The following GSE1 variants were observed in gnomAD, a reference collection of about 807,000 sequenced individuals.
The protein encoded by GSE1 is genetic suppressor element 1.
In GSE1, 32 loss-of-function variants were observed where a neutral mutation model predicts 112.6. That is an observed-to-expected ratio of 0.28 (90% CI 0.21 to 0.38). The LOEUF (loss-of-function observed/expected upper bound fraction) is 0.38, where lower values mean the gene tolerates loss of function less well. Among genes scored for constraint, GSE1 ranks in the 10% least tolerant of loss-of-function variants. GSE1 has a pLI of 1.00. For missense variants in GSE1, 2,348 were observed against 1,699.2 expected, an observed-to-expected ratio of 1.38 and a Z score of -6.71; for synonymous variants, 1,115 against 735.6, an observed-to-expected ratio of 1.52 and a Z score of -8.35.
At chr16:85,648,856 A>T in intron 3 of GSE1, 105 bp downstream of exon 3, 1 of 605,758 alleles carries the variant, frequency 1.7e-6, no homozygotes, top group Non-Finnish European at 2.7e-6. Flanking sequence ...TACATTCCAG[A>T]CACCCCCTCC....
intron 1 of GSE1, among the ~76,000 whole-genome samples, chr16:85,184,412 G>A (rs761014222): frequency 6.6e-6 from 1 of 152,246 alleles, no homozygotes; most frequent in East Asian, 1.9e-4. Context: ...CCCTCAGGAT[G>A]TGGAGAGAGA....
At chr16:85,447,213 A>G (rs2049541405) in intron 2 of GSE1, among the ~76,000 whole-genome samples, 2 of 152,124 alleles carry the variant, frequency 1.3e-5, no homozygotes, top group Non-Finnish European at 2.9e-5. Flanking sequence ...AGGAGTGTGC[A>G]GCACCCCCAG....
At chr16:85,561,690 G>A (rs1177434013) in intron 1 of GSE1, among the ~76,000 whole-genome samples, 2 of 152,204 alleles carry the variant, frequency 1.3e-5, no homozygotes, top group East Asian at 3.9e-4. Flanking sequence ...AGCTGCCCCC[G>A]GAGGCCAGAG....
intron 2 of GSE1, among the ~76,000 whole-genome samples, chr16:85,637,325 C>T (rs756765028): frequency 2.0e-5 from 3 of 152,234 alleles, no homozygotes; most frequent in Non-Finnish European, 2.9e-5. Context: ...TGCGGCGTGA[C>T]AGCCCTTCCT....
At chr16:85,217,478 G>A (rs540283981) in intron 1 of GSE1, among the ~76,000 whole-genome samples, 13 of 152,310 alleles carry the variant, frequency 8.5e-5, no homozygotes, top group African/African-American at 1.9e-4. Flanking sequence ...CTGAGCCAGC[G>A]GCTCCTCCAT....
chr16:85,272,085 C>T (rs1364745997), intron 1 of GSE1, among the ~76,000 whole-genome samples: 2 of 152,228 alleles, frequency 1.3e-5, no homozygotes, highest in Admixed American at 6.5e-5. Context: ...GCCCCAGACC[C>T]GTATCCTGCG....
intron 1 of GSE1, among the ~76,000 whole-genome samples, chr16:85,192,022 T>C (rs2074833874): frequency 6.6e-6 from 1 of 152,262 alleles, no homozygotes; most frequent in Non-Finnish European, 1.5e-5. Flanking sequence ...GTTGAAAATG[T>C]AGACAGCAGA....
intron 1 of GSE1, among the ~76,000 whole-genome samples, chr16:85,292,608 G>T (rs2930227): frequency 0.85 from 128,837 of 152,068 alleles, 54,819 homozygotes; most frequent in African/African-American, 0.93. Flanking sequence ...ATTACAGGCC[G>T]GAGCCACTGT....
chr16:85,278,019 A>G (rs1909541117), intron 1 of GSE1, among the ~76,000 whole-genome samples: 1 of 152,250 alleles, frequency 6.6e-6, no homozygotes, highest in African/African-American at 2.4e-5. Flanking sequence ...AGCAGTCACA[A>G]TATTGGCGGC....
intron 1 of GSE1, among the ~76,000 whole-genome samples, chr16:85,247,404 G>C (rs1905975349): frequency 6.6e-6 from 1 of 152,224 alleles, no homozygotes; most frequent in South Asian, 2.1e-4. Flanking sequence ...TCCCTGAGCA[G>C]AGGAAGGTGG....
At chr16:85,235,749 C>T (rs1425517584) in intron 1 of GSE1, among the ~76,000 whole-genome samples, 2 of 150,972 alleles carry the variant, frequency 1.3e-5, no homozygotes, top group African/African-American at 4.9e-5. Context: ...GTGGGGGGCC[C>T]GCCCGCCCCA....
chr16:85,269,510 C>G lies in GSE1; in HGVS notation c.2284-87953C>G, dbSNP rs981310744. Among the ~76,000 whole-genome samples the G allele has an allele frequency of 1.7e-4, 25 of 149,526 alleles. 1 individual carries two copies. Among genetic ancestry groups the G allele is most frequent in the African/African-American group, 6.0e-4 (25 of 41,400 alleles). On this transcript the variant is annotated intron_variant, in intron 1 of 2. Transcript: ENST00000637419. ...TGTTCTACGGAGGTAACAAAACACT[C>G]TTTCCTGTTAGGGAAATTCTTACAA...
chr16:85,517,299 C>G (rs2051982389), intron 2 of GSE1, among the ~76,000 whole-genome samples: 1 of 152,186 alleles, frequency 6.6e-6, no homozygotes, highest in Admixed American at 6.5e-5. Flanking sequence ...TAGGTTCTAG[C>G]ACAGCCATGT....
intron 2 of GSE1, among the ~76,000 whole-genome samples, chr16:85,452,271 C>T (rs538054505): frequency 1.8e-3 from 268 of 152,320 alleles, no homozygotes; most frequent in African/African-American, 6.0e-3. Flanking sequence ...GCCCTGCCAG[C>T]GCGGTTATTT....
chr16:85,245,878 CGT>C (rs372818970), intron 1 of GSE1, among the ~76,000 whole-genome samples: 48 of 150,734 alleles, frequency 3.2e-4, no homozygotes, highest in Middle Eastern at 3.4e-3. Context: ...CCTGCGTGTG[CGT>C]GTGTGTGTGT....
rs763547950 is a variant in GSE1 at position 85,665,995 on chromosome 16, C to G, written c.2778C>G (p.Ala926=). Residue 926 remains alanine, a synonymous_variant, in exon 13 of 16, where the codon GCC becomes GCG. Coordinates refer to ENST00000253458, the MANE Select transcript of GSE1 (RefSeq NM_014615.5). ...TAAAAGAACCAGCCACGCAGCAAGC[C>G]TCTCTGGATGTGGAGAAGCCGGTTG... is the stretch of plus-strand genomic sequence containing the variant. The part of the protein sequence containing the change: ...VSLSEPATQQ[A]SLDVEKPVGV... The G allele has an allele frequency of 1.2e-6, 2 of 1,613,378 alleles. No individual in the cohort carries two copies. The highest frequency in any genetic ancestry group is 1.7e-6 in the Non-Finnish European group (2 of 1,179,938).
At chr16:85,639,714 G>T (rs1208987795) in intron 2 of GSE1, among the ~76,000 whole-genome samples, 1 of 152,254 alleles carries the variant, frequency 6.6e-6, no homozygotes, top group East Asian at 1.9e-4. Flanking sequence ...GGCCTGCCCA[G>T]TGTCTCTGCA....
intron 1 of GSE1, among the ~76,000 whole-genome samples, chr16:85,578,669 C>G (rs557628042): frequency 1.4e-4 from 22 of 152,314 alleles, no homozygotes; most frequent in African/African-American, 5.3e-4. Flanking sequence ...CCGAATCAGG[C>G]AGCTTCCCTG....
chr16:85,348,254 C>T (rs982991196), intron 1 of GSE1, among the ~76,000 whole-genome samples: 2 of 151,964 alleles, frequency 1.3e-5, no homozygotes, highest in African/African-American at 4.8e-5. Flanking sequence ...ATCCATCCAT[C>T]ATCCACCCAC....
Sources: allele counts gnomAD v4.1 joint callset (sites outside exome capture counted in the v4.1 genomes callset), GRCh38; gene constraint gnomAD v4.1.1; transcripts MANE v1.5; gene names NCBI Gene and HGNC (gene_info 2026-07-23, HGNC 2026-07-21).